TMPRSS6: variants seen among roughly 807,000 people sequenced by gnomAD.
The protein encoded by TMPRSS6 is transmembrane serine protease 6, also known as transmembrane protease serine 6.
In TMPRSS6, 67 loss-of-function variants were observed where a neutral mutation model predicts 101.5. That is an observed-to-expected ratio of 0.66 (90% CI 0.54 to 0.81). The LOEUF is 0.81. Ranked by LOEUF, TMPRSS6 falls within the 30% of genes least tolerant of loss-of-function variation. The probability of loss-of-function intolerance (pLI) is 0.00; values close to 1 mark genes in which losing one functional copy is unlikely to be tolerated. For synonymous variants in TMPRSS6, 453 were observed against 464.9 expected (o/e 0.97, Z 0.33); for missense variants, 1,034 against 1,088.7 (o/e 0.95, Z 0.71).
chr22:37,078,790 GA>G (rs532155550), intron 10 of TMPRSS6, among the ~76,000 whole-genome samples: 91,013 of 146,192 alleles, frequency 0.62, 29,839 homozygotes, highest in African/African-American at 0.82. Context: ...AGGAGAAGAA[GA>G]AGGAGGAGGA....
chr22:37,075,141 A>C lies in TMPRSS6; in HGVS notation c.1336T>G (p.Ser446Ala). 1 of 1,613,716 alleles carries C rather than the reference A, an allele frequency of 6.2e-7. No homozygotes were observed. Among genetic ancestry groups the C allele is most frequent in the Non-Finnish European group, 8.5e-7 (1 of 1,180,008 alleles). The change falls in exon 11 of 18, where the codon TCG becomes GCG. Residue 446 changes from serine to alanine, a missense_variant. Transcript: ENST00000676104. Reference sequence around the variant, plus strand: ...CCCGGCTGCCCATACTCACGGTCCGACTGGTTGTACAAGCCATAGTGCACC... The same window carrying C: ...CCCGGCTGCCCATACTCACGGTCCGCCTGGTTGTACAAGCCATAGTGCACC... The part of the protein sequence containing the change: ...VRVHYGLYNQ[S>A]DPCPGEFLCS...
chr22:37,073,381 TG>T, intron 13 of TMPRSS6, 150 bp downstream of exon 13: 2 of 615,074 alleles, frequency 3.3e-6, no homozygotes, highest in South Asian at 3.7e-5. Flanking sequence ...GATGGATGGA[TG>T]GATGGATGGA....
rs1930879364 is a variant in TMPRSS6, at chr22:37,108,859, C to A, written c.-2+644G>T. 3.3e-5 allele frequency among the ~76,000 whole-genome samples: 5 copies of A among 152,168 alleles called. No homozygotes were observed. In the South Asian group the frequency reaches 1.0e-3, roughly 32 times the overall value. ...GGCATCTTTCAGTGAAACCATTAGG[C>A]CCTAGAGTCCTGAGAGTGTGGGGGA... On this transcript the variant is annotated intron_variant, in intron 1 of 17. Transcript: ENST00000676104.
rs1377440671 is a variant in TMPRSS6 at position 37,103,662 on chromosome 22, C to G, written c.-1-244G>C. The G allele has an allele frequency of 7.8e-6, 11 of 1,408,900 alleles. No individual in the cohort carries two copies. The highest frequency in any genetic ancestry group is 1.1e-5 in the Non-Finnish European group (11 of 1,006,560). The allele number at this position is 1,408,900 out of a possible 1,614,324, so 87.3% of individuals were successfully genotyped here. ...ACTGGGTCTGGCTCAAGAACCCCAC[C>G]TTTGCTTCCCACTGGCTTCCCTATG... On this transcript the variant is annotated intron_variant, in intron 1 of 17. Transcript: ENST00000676104. The surrounding 1 kb of genome is among the most constrained non-coding windows in gnomAD (Gnocchi z 4.4).
intron 16 of TMPRSS6, chr22:37,068,607 G>A (rs776247437): frequency 6.4e-6 from 5 of 779,676 alleles, no homozygotes; most frequent in East Asian, 2.4e-5. Context: ...CTCTGGCTGT[G>A]TGACTTACAG....
intron 7 of TMPRSS6, among the ~76,000 whole-genome samples, chr22:37,087,046 G>A (rs867608646): frequency 6.6e-6 from 1 of 152,146 alleles, no homozygotes; most frequent in African/African-American, 2.4e-5. Context: ...GGAAACTGAG[G>A]CCCTACCGGC....
chr22:37,095,505 T>G (rs2743824), intron 6 of TMPRSS6, 46 bp downstream of exon 6: 2 of 1,607,474 alleles, frequency 1.2e-6, no homozygotes, highest in African/African-American at 1.4e-5. Flanking sequence ...TCAAGACAAA[T>G]GCCAACTCAA....
rs369526880 is a variant in TMPRSS6 at position 37,069,029 on chromosome 22, G to T, written c.2113+44C>A. On this transcript the variant is annotated intron_variant, in intron 16 of 17. Coordinates refer to ENST00000676104, the MANE Select transcript of TMPRSS6 (RefSeq NM_001374504.1). The surrounding 1 kb of genome is among the most constrained non-coding windows in gnomAD (Gnocchi z 4.8). Reference sequence around the variant, plus strand: ...AGGCCAGGTGTTACGGCGCAGATCCGCACGGTCTCCCTCCGCCTCCCGCCG... The same window carrying T: ...AGGCCAGGTGTTACGGCGCAGATCCTCACGGTCTCCCTCCGCCTCCCGCCG... 2.0e-6 allele frequency: 3 copies of T among 1,532,648 alleles called. No individual in the cohort carries two copies. The highest frequency in any genetic ancestry group is 2.7e-5 in the African/African-American group (2 of 72,946). The allele number at this position is 1,532,648 out of a possible 1,614,324, so 94.9% of individuals were successfully genotyped here. A position where few individuals can be genotyped will look rare whatever the true frequency, so the allele number is the denominator to read the frequency against.
rs1413501177 is a variant in TMPRSS6, at chr22:37,098,628, C to T, written c.203-79G>A. The T allele has an allele frequency of 8.1e-6, 13 of 1,601,140 alleles. No individual in the cohort carries two copies. In the Admixed American group the frequency reaches 1.8e-4, roughly 23 times the overall value. On this transcript the variant is annotated intron_variant, in intron 2 of 17. Transcript: ENST00000676104. Reference sequence around the variant, plus strand: ...CTGTCTCTTCCATGCCTTCTCCTGCCACCCACACCCTCAGCTCAGCCTCAG... The same window carrying T: ...CTGTCTCTTCCATGCCTTCTCCTGCTACCCACACCCTCAGCTCAGCCTCAG...
At position 37,101,445 on chromosome 22, in the gene TMPRSS6, G is replaced by A. The variant is rs1930302254; in HGVS notation, c.202+1771C>T. Among the ~76,000 whole-genome samples, 2 of 152,062 alleles carry A rather than the reference G, an allele frequency of 1.3e-5. No individual in the cohort carries two copies. The highest frequency in any genetic ancestry group is 6.5e-5 in the Admixed American group (1 of 15,276). On this transcript the variant is annotated intron_variant, in intron 2 of 17. Transcript: ENST00000676104. This position sits in a 1 kb window ranked among gnomAD's most constrained non-coding sequence, Gnocchi z 4.1. ...CAGCCACACCCTCTCCTCGGGCCAG[G>A]CTGTCCTCCTCGCTTGGGGCCTGTC...
At chr22:37,071,230 C>G (rs5756504) in intron 13 of TMPRSS6, among the ~76,000 whole-genome samples, 198 bp from the exon 14 acceptor site, 1 of 149,546 alleles carries the variant, frequency 6.7e-6, no homozygotes, top group African/African-American at 2.5e-5. Context: ...CTCAGACTGG[C>G]CTATTGAGCA....
intron 10 of TMPRSS6, among the ~76,000 whole-genome samples, chr22:37,080,491 C>G (rs1928177149): frequency 2.0e-5 from 3 of 152,282 alleles, no homozygotes; most frequent in Non-Finnish European, 4.4e-5. Context: ...CTGCTCTTCC[C>G]TAGACCTCTC....
intron 9 of TMPRSS6, 67 bp downstream of exon 9, chr22:37,084,660 C>A (rs1428074042): frequency 1.6e-5 from 22 of 1,370,440 alleles, no homozygotes; most frequent in Non-Finnish European, 1.9e-5. Flanking sequence ...CCTCTCATCC[C>A]GGGTCACCAG....
intron 3 of TMPRSS6, among the ~76,000 whole-genome samples, chr22:37,098,046 G>A (rs1929972059): frequency 2.9e-5 from 4 of 138,162 alleles, no homozygotes; most frequent in South Asian, 2.4e-4. Flanking sequence ...AGCGGCCACC[G>A]TCCTGTAACG....
At chr22:37,099,356 C>T (rs1930098394) in intron 2 of TMPRSS6, among the ~76,000 whole-genome samples, 1 of 152,178 alleles carries the variant, frequency 6.6e-6, no homozygotes, top group Admixed American at 6.5e-5. Flanking sequence ...GCTGGGGCCT[C>T]CGCAGGGCAG....
chr22:37,104,569 G>A (rs1011885643), intron 1 of TMPRSS6, among the ~76,000 whole-genome samples: 23 of 152,220 alleles, frequency 1.5e-4, no homozygotes, highest in African/African-American at 5.3e-4. Flanking sequence ...CCACAGTACA[G>A]AGAAAGCCTT....
intron 13 of TMPRSS6, among the ~76,000 whole-genome samples, chr22:37,071,321 G>A (rs1926883194): frequency 1.3e-5 from 2 of 152,068 alleles, no homozygotes; most frequent in Non-Finnish European, 2.9e-5. Context: ...CTTGAAGGCA[G>A]AACTGTGCCT....
rs1363395008 is a variant in TMPRSS6 at position 37,069,010 on chromosome 22, G to GGTGTTACGGCGCAGATCC, written c.2113+45_2113+62dup. ...CCCAGCCCCGCCCTTCTCCAGGCCA[G>GGTGTTACGGCGCAGATCC]GTGTTACGGCGCAGATCCGCACGGT... On this transcript the variant is annotated intron_variant, in intron 16 of 17. Coordinates refer to ENST00000676104, the MANE Select transcript of TMPRSS6 (RefSeq NM_001374504.1). The surrounding 1 kb of genome is among the most constrained non-coding windows in gnomAD (Gnocchi z 4.8). 4.6e-6 allele frequency: 7 copies of GGTGTTACGGCGCAGATCC among 1,527,662 alleles called. No homozygotes were observed. The Admixed American group carries it at 1.4e-4, about 30-fold the overall frequency. The allele number at this position is 1,527,662 out of a possible 1,614,324, so 94.6% of individuals were successfully genotyped here.
At chr22:37,108,245 T>A (rs1407868270) in intron 1 of TMPRSS6, among the ~76,000 whole-genome samples, 1 of 152,052 alleles carries the variant, frequency 6.6e-6, no homozygotes, top group Non-Finnish European at 1.5e-5. Context: ...GTCCCCACAC[T>A]CTTCCTTCTG....
Sources: allele counts gnomAD v4.1 joint callset (sites outside exome capture counted in the v4.1 genomes callset), GRCh38; gene constraint gnomAD v4.1.1; non-coding constraint Gnocchi (gnomAD v3.1); transcripts MANE v1.5; gene names NCBI Gene and HGNC (gene_info 2026-07-23, HGNC 2026-07-21).